Variants in RBM47 observed in about 807,000 individuals in gnomAD.
RBM47 encodes RNA-binding protein 47.
RBM47 carries 21 observed loss-of-function variants against 47.1 expected under a neutral mutation model. The observed-to-expected ratio is 0.45, with a 90% CI of 0.32 to 0.64. The LOEUF is 0.64. Ranked by LOEUF, RBM47 falls within the 30% of genes least tolerant of loss-of-function variation. The pLI, the probability that RBM47 is intolerant of heterozygous loss-of-function variation, is 0.05. For missense variants in RBM47, 708 were observed against 870.9 expected (o/e 0.81, Z 2.35); for synonymous variants, 375 against 361.7 (o/e 1.04, Z -0.42).
intron 1 of RBM47, among the ~76,000 whole-genome samples, chr4:40,592,301 C>CA (rs1205121079): frequency 2.0e-5 from 3 of 150,098 alleles, no homozygotes; most frequent in Non-Finnish European, 3.0e-5. Flanking sequence ...GTCGCTCAGG[C>CA]TAGAGTGCAG....
intron 2 of RBM47, among the ~76,000 whole-genome samples, chr4:40,492,190 G>A (rs990135420): frequency 6.6e-6 from 1 of 151,856 alleles, no homozygotes; most frequent in Admixed American, 6.6e-5. Context: ...GCAACATGGC[G>A]AAACCTCATC....
chr4:40,423,552 T>C lies in RBM47; in HGVS notation c.*2352A>G, dbSNP rs1315492245. 9 of 152,080 alleles carry C rather than the reference T, an allele frequency of 5.9e-5. No individual in the cohort carries two copies. The highest frequency in any genetic ancestry group is 8.8e-5 in the Non-Finnish European group (6 of 68,020). The allele number at this position is 152,080 out of a possible 1,614,324, so 9.4% of individuals were successfully genotyped here. A position where few individuals can be genotyped will look rare whatever the true frequency, so the allele number is the denominator to read the frequency against. ...ACAATAGGAACAGATAAGTCCCAGATAGGAGGCTCACTGATACTTAATTGG... is the reference window on the plus strand; with the variant it reads ...ACAATAGGAACAGATAAGTCCCAGACAGGAGGCTCACTGATACTTAATTGG... On this transcript the variant is annotated 3_prime_UTR_variant, in exon 7 of 7. Coordinates refer to ENST00000295971, the MANE Select transcript of RBM47 (RefSeq NM_001098634.2).
intron 1 of RBM47, among the ~76,000 whole-genome samples, chr4:40,603,673 GCT>G (rs1735483872): frequency 6.6e-6 from 1 of 151,580 alleles, no homozygotes; most frequent in Non-Finnish European, 1.5e-5. Flanking sequence ...CATGACCTTG[GCT>G]CACTGCAGCC....
intron 2 of RBM47, among the ~76,000 whole-genome samples, chr4:40,511,769 T>C (rs1724959388): frequency 6.6e-6 from 1 of 152,088 alleles, no homozygotes; most frequent in Middle Eastern, 3.4e-3. Context: ...ACCCCATCTC[T>C]ACTAAAAATA....
chr4:40,507,532 T>C (rs1189827230), intron 2 of RBM47, among the ~76,000 whole-genome samples: 1 of 152,222 alleles, frequency 6.6e-6, no homozygotes, highest in African/African-American at 2.4e-5. Context: ...CTCACGCCTG[T>C]AATCCCAACA....
At chr4:40,428,075 T>A (rs1341221834) in intron 6 of RBM47, among the ~76,000 whole-genome samples, 15 of 152,056 alleles carry the variant, frequency 9.9e-5, no homozygotes, top group Admixed American at 9.8e-4. Context: ...CTCCTGTAGT[T>A]CCAGCTACTC....
chr4:40,456,155 G>A (rs899089174), intron 3 of RBM47, among the ~76,000 whole-genome samples: 1 of 152,102 alleles, frequency 6.6e-6, no homozygotes. Context: ...ATTCCTGCAC[G>A]GGAGCTTTGT....
chr4:40,560,014 C>G (rs1234134398), intron 1 of RBM47, among the ~76,000 whole-genome samples: 1 of 152,160 alleles, frequency 6.6e-6, no homozygotes. Context: ...CACCCATAAC[C>G]ACGCGCTCAC....
intron 3 of RBM47, among the ~76,000 whole-genome samples, chr4:40,453,816 T>G (rs1298929797): frequency 1.3e-5 from 2 of 152,050 alleles, no homozygotes; most frequent in African/African-American, 4.8e-5. Flanking sequence ...TAATCTCTCT[T>G]GTTCTTTGCT....
intron 1 of RBM47, among the ~76,000 whole-genome samples, chr4:40,595,965 G>GT (rs1553906970): frequency 3.3e-5 from 5 of 152,030 alleles, no homozygotes; most frequent in Admixed American, 1.3e-4. Context: ...TGGTCTTCAT[G>GT]TATCTATCTG....
intron 2 of RBM47, among the ~76,000 whole-genome samples, chr4:40,490,038 G>A (rs1721649332): frequency 6.6e-6 from 1 of 152,116 alleles, no homozygotes; most frequent in African/African-American, 2.4e-5. Flanking sequence ...ACTATACACA[G>A]TAATCTGAAT....
chr4:40,619,546 C>G (rs1010834597), intron 1 of RBM47, among the ~76,000 whole-genome samples: 3 of 152,174 alleles, frequency 2.0e-5, no homozygotes, highest in Admixed American at 6.5e-5. Flanking sequence ...TTGTGCCCAT[C>G]TCCTCCTTGC....
At chr4:40,439,446 C>A (rs1436658937) in intron 3 of RBM47, among the ~76,000 whole-genome samples, 1 of 152,210 alleles carries the variant, frequency 6.6e-6, no homozygotes, top group African/African-American at 2.4e-5. Context: ...ATAGAGAGAG[C>A]TGTGTATTAA....
At chr4:40,562,580 C>T (rs1730734743) in intron 1 of RBM47, among the ~76,000 whole-genome samples, 1 of 150,968 alleles carries the variant, frequency 6.6e-6, no homozygotes, top group African/African-American at 2.4e-5. Flanking sequence ...ATTATCCTGA[C>T]TCAGTCTCCC....
At chr4:40,554,136 G>A (rs573615564) in intron 1 of RBM47, among the ~76,000 whole-genome samples, 23 of 152,182 alleles carry the variant, frequency 1.5e-4, no homozygotes, top group African/African-American at 4.6e-4. Context: ...GTGGGATTGC[G>A]CCCAGGGAAC....
At chr4:40,486,108 T>G (rs1056761510) in intron 2 of RBM47, among the ~76,000 whole-genome samples, 2 of 146,174 alleles carry the variant, frequency 1.4e-5, no homozygotes, top group African/African-American at 5.1e-5. Flanking sequence ...GAGCTTAGTG[T>G]GAAGAGTTTA....
At chr4:40,550,465 C>A (rs780618357) in intron 1 of RBM47, among the ~76,000 whole-genome samples, 2 of 152,100 alleles carry the variant, frequency 1.3e-5, no homozygotes, top group Non-Finnish European at 2.9e-5. Flanking sequence ...GTCGCCCATG[C>A]TGGAATGTAG....
At position 40,438,943 on chromosome 4, in the gene RBM47, G is replaced by C; in HGVS notation, c.-31-19C>G. 6.8e-7 allele frequency: 1 copy of C among 1,478,060 alleles called. No homozygotes were observed. The highest frequency in any genetic ancestry group is 1.3e-5 in the South Asian group (1 of 75,870). 91.6% of individuals were successfully genotyped at this position (1,478,060 alleles called of 1,614,324 possible). A position where few individuals can be genotyped will look rare whatever the true frequency, so the allele number is the denominator to read the frequency against. ...CGGAAACCTGGGGAAGCAGAAAGAA[G>C]CGTGAGTGGGGAACCGCTGGATCTT... On this transcript the variant is annotated intron_variant, in intron 3 of 6. Coordinates refer to ENST00000295971, the MANE Select transcript of RBM47 (RefSeq NM_001098634.2).
intron 6 of RBM47, among the ~76,000 whole-genome samples, chr4:40,428,174 T>C (rs1229955304): frequency 2.6e-5 from 4 of 151,296 alleles, no homozygotes. Flanking sequence ...GCCTGGGCAA[T>C]GGAAGTGAGA....
Sources: gnomAD v4.1 joint callset for allele counts (sites outside exome capture counted in the v4.1 genomes callset) on GRCh38, gnomAD v4.1.1 for gene constraint, MANE v1.5 for transcripts, NCBI Gene and HGNC (gene_info 2026-07-23, HGNC 2026-07-21) for gene names.